RREB1: variants seen among roughly 807,000 people sequenced by gnomAD.
RREB1 encodes ras responsive element binding protein 1, also known as ras-responsive element-binding protein 1.
RREB1 carries 27 observed loss-of-function variants against 117.8 expected under a neutral mutation model. The observed-to-expected ratio is 0.23, with a 90% confidence interval of 0.17 to 0.32. RREB1 has a LOEUF of 0.32. Among genes scored for constraint, RREB1 ranks in the 10% least tolerant of loss-of-function variants. RREB1 has a pLI of 1.00. For synonymous variants in RREB1, 1,298 were observed against 1,026.7 expected, an observed-to-expected ratio of 1.26 and a Z score of -5.05; for missense variants, 2,577 against 2,378.2, an observed-to-expected ratio of 1.08 and a Z score of -1.74.
intron 1 of RREB1, among the ~76,000 whole-genome samples, chr6:7,144,598 T>TA (rs1224308209): frequency 6.6e-6 from 1 of 150,830 alleles, no homozygotes; most frequent in African/African-American, 2.5e-5. Context: ...TCTGGTTGTA[T>TA]ACATTGACAT....
In RREB1 at chr6:7,230,175, G is replaced by A. The variant is rs1303053319; in HGVS notation, c.2076G>A (p.Thr692=). 6.2e-7 allele frequency: 1 copy of A among 1,606,808 alleles called. No homozygotes were observed. Among genetic ancestry groups the A allele is most frequent in the South Asian group, 1.1e-5 (1 of 91,074 alleles). The part of the protein sequence containing the change: ...DKAALIRHLR[T]HSGERPYICK... Reference sequence around the variant, plus strand: ...CCGCGCTCATCCGCCACCTGCGCACGCACAGTGGGGAGCGGCCCTACATTT... The same window carrying A: ...CCGCGCTCATCCGCCACCTGCGCACACACAGTGGGGAGCGGCCCTACATTT... The change falls in exon 10 of 13, where the codon ACG becomes ACA. Residue 692 remains threonine, a synonymous_variant. Transcript: ENST00000379938.
At chr6:7,117,830 G>A (rs1348414733) in intron 1 of RREB1, among the ~76,000 whole-genome samples, 1 of 151,980 alleles carries the variant, frequency 6.6e-6, no homozygotes, top group Admixed American at 6.6e-5. Flanking sequence ...TCCTACCTCA[G>A]CCTCCCAAAG....
chr6:7,172,147 C>T (rs763892544), intron 1 of RREB1, among the ~76,000 whole-genome samples: 2 of 152,018 alleles, frequency 1.3e-5, no homozygotes, highest in African/African-American at 2.4e-5. Flanking sequence ...GGTCTCACTT[C>T]GTTGCCCAGG....
chr6:7,147,479 T>G (rs944796206), intron 1 of RREB1, among the ~76,000 whole-genome samples: 13 of 152,118 alleles, frequency 8.5e-5, no homozygotes. Flanking sequence ...AAAAGATGGT[T>G]TCCGTGCTGG....
At chr6:7,134,440 T>C (rs1762270266) in intron 1 of RREB1, among the ~76,000 whole-genome samples, 1 of 152,214 alleles carries the variant, frequency 6.6e-6, no homozygotes, top group African/African-American at 2.4e-5. Context: ...TACTGGATGT[T>C]TTTCTTTAAT....
intron 1 of RREB1, among the ~76,000 whole-genome samples, chr6:7,169,894 C>T (rs937756030): frequency 2.0e-5 from 3 of 152,176 alleles, no homozygotes; most frequent in African/African-American, 7.2e-5. Context: ...ATCTGACTGA[C>T]GTAGATAAAT....
At chr6:7,153,354 A>C (rs1040938371) in intron 1 of RREB1, among the ~76,000 whole-genome samples, 1 of 151,600 alleles carries the variant, frequency 6.6e-6, no homozygotes, top group Non-Finnish European at 1.5e-5. Flanking sequence ...AATAAAATTG[A>C]AACCCTTTAC....
intron 1 of RREB1, among the ~76,000 whole-genome samples, chr6:7,163,078 T>C (rs939983317): frequency 2.0e-5 from 3 of 152,160 alleles, no homozygotes; most frequent in Admixed American, 1.3e-4. Flanking sequence ...GAGAAAGCCA[T>C]CACCATAATT....
chr6:7,171,973 T>A (rs1024492897), intron 1 of RREB1, among the ~76,000 whole-genome samples: 4 of 150,218 alleles, frequency 2.7e-5, no homozygotes, highest in Non-Finnish European at 5.9e-5. Context: ...GGAGATAAAG[T>A]CTGGCCCTGT....
intron 1 of RREB1, 40 bp downstream of exon 1, chr6:7,108,100 C>G (rs942887424): frequency 6.6e-6 from 1 of 152,380 alleles, no homozygotes; most frequent in East Asian, 1.9e-4. Flanking sequence ...GGTACGCCGG[C>G]GGCAGCGAGA....
At position 7,195,733 on chromosome 6, in the gene RREB1, C is replaced by T. The variant is rs139184392; in HGVS notation, c.425+6411C>T. 5.8e-3 allele frequency among the ~76,000 whole-genome samples: 887 copies of T among 152,280 alleles called. 4 individuals are homozygous for T. Among genetic ancestry groups the T allele is most frequent in the Non-Finnish European group, 6.5e-3 (441 of 68,016 alleles). ...AATTCCCTCATGGGGTCTCCAGAGC[C>T]GATGCTAAGCTGAGGGATCAGAGAA... On this transcript the variant is annotated intron_variant, in intron 6 of 12. Transcript: ENST00000379938.
At chr6:7,245,134 G>A (rs559329120) in intron 11 of RREB1, among the ~76,000 whole-genome samples, 34 of 152,298 alleles carry the variant, frequency 2.2e-4, no homozygotes, top group African/African-American at 7.0e-4. Context: ...GGTGGCTCAC[G>A]CCTGTAATCC....
At chr6:7,160,513 C>T (rs538388164) in intron 1 of RREB1, among the ~76,000 whole-genome samples, 31 of 152,110 alleles carry the variant, frequency 2.0e-4, no homozygotes, top group African/African-American at 7.5e-4. Flanking sequence ...TGTTTTCACA[C>T]ATTGACTTTT....
In RREB1 at chr6:7,109,092, C is replaced by T. The variant is rs377089505; in HGVS notation, c.-285+1032C>T. ...AGGCCGGGAGCATCCGAGGCGGGGC[C>T]GGCCGCCGGGGCCCGCTCCGCCGCC... On this transcript the variant is annotated intron_variant, in intron 1 of 12. Coordinates refer to ENST00000379938, the MANE Select transcript of RREB1 (RefSeq NM_001003699.4). Among the ~76,000 whole-genome samples the T allele has an allele frequency of 3.2e-4, 49 of 151,656 alleles. 1 individual carries two copies. The East Asian group carries it at 7.0e-3, about 22-fold the overall frequency.
At chr6:7,118,108 A>G (rs1761494463) in intron 1 of RREB1, among the ~76,000 whole-genome samples, 2 of 152,142 alleles carry the variant, frequency 1.3e-5, no homozygotes, top group Admixed American at 1.3e-4. Context: ...TTTCCTCTTC[A>G]ATACAGAAAA....
chr6:7,116,943 C>T (rs1761425131), intron 1 of RREB1, among the ~76,000 whole-genome samples: 1 of 152,160 alleles, frequency 6.6e-6, no homozygotes, highest in Non-Finnish European at 1.5e-5. Flanking sequence ...CATTTCAGAG[C>T]TCCAATGTGT....
intron 1 of RREB1, among the ~76,000 whole-genome samples, chr6:7,172,091 G>A (rs1257278327): frequency 6.6e-6 from 1 of 151,954 alleles, no homozygotes; most frequent in Non-Finnish European, 1.5e-5. Flanking sequence ...GACTGCAGGA[G>A]GGTGCTACCA....
chr6:7,151,913 G>T (rs1375507444), intron 1 of RREB1, among the ~76,000 whole-genome samples: 1 of 152,224 alleles, frequency 6.6e-6, no homozygotes, highest in Non-Finnish European at 1.5e-5. Flanking sequence ...TGATGAACAG[G>T]ACTATGGGGG....
intron 1 of RREB1, among the ~76,000 whole-genome samples, chr6:7,142,472 C>T (rs1762650682): frequency 6.6e-6 from 1 of 152,250 alleles, no homozygotes. Flanking sequence ...GGAAGTACAT[C>T]ACCGGTGAGG....
Sources: allele counts gnomAD v4.1 joint callset (sites outside exome capture counted in the v4.1 genomes callset), GRCh38; gene constraint gnomAD v4.1.1; transcripts MANE v1.5; gene names NCBI Gene and HGNC (gene_info 2026-07-23, HGNC 2026-07-21).